EML1: variants seen among roughly 807,000 people sequenced by gnomAD.
EML1 encodes echinoderm microtubule-associated protein-like 1.
A neutral mutation model predicts 110.4 loss-of-function variants in EML1; 27 were observed. The ratio of observed to expected loss-of-function variants is 0.24; its 90% CI spans 0.18 to 0.34. The LOEUF (loss-of-function observed/expected upper bound fraction) is 0.34, where lower values mean the gene tolerates loss of function less well. Ranked by LOEUF, EML1 falls within the 10% of genes least tolerant of loss-of-function variation. The probability of loss-of-function intolerance (pLI) is 1.00; values close to 1 mark genes in which losing one functional copy is unlikely to be tolerated. For synonymous variants in EML1, 344 were observed against 385.8 expected (o/e 0.89, Z 1.27); for missense variants, 741 against 1,030.9 (o/e 0.72, Z 3.85).
intron 1 of EML1, among the ~76,000 whole-genome samples, chr14:99,812,538 G>C (rs558738365): frequency 6.6e-6 from 1 of 151,646 alleles, no homozygotes; most frequent in Non-Finnish European, 1.5e-5. Context: ...TGCACAATGC[G>C]CCTCCCCACA....
chr14:99,896,635 G>A (rs1206079844), intron 6 of EML1, among the ~76,000 whole-genome samples: 1 of 152,068 alleles, frequency 6.6e-6, no homozygotes, highest in East Asian at 1.9e-4. Flanking sequence ...TTACATCCAA[G>A]TTGAAGTGAT....
chr14:99,820,992 A>G (rs1019145053), intron 1 of EML1, among the ~76,000 whole-genome samples: 1 of 150,916 alleles, frequency 6.6e-6, no homozygotes, highest in Admixed American at 6.6e-5. Context: ...GATGCCTAAC[A>G]TGGTTATTGC....
rs374973246 is a variant in EML1, at chr14:99,743,042, G to A, written c.28+5182G>A. On this transcript the variant is annotated intron_variant, in intron 1 of 10. Coordinates refer to the EML1 transcript ENST00000554479. The stretch of plus-strand genomic sequence containing the variant: ...GGGTGGGGACATGCAGGAGGAATCC[G>A]CAGTTGGGAAGTCCCCCTTCAGTGC... 1.1e-4 allele frequency among the ~76,000 whole-genome samples: 17 copies of A among 152,150 alleles called. No individual in the cohort carries two copies. The East Asian group carries it at 1.3e-3, about 12-fold the overall frequency.
At chr14:99,933,041 A>T (rs1007472781) in intron 17 of EML1, among the ~76,000 whole-genome samples, 1 of 152,162 alleles carries the variant, frequency 6.6e-6, no homozygotes, top group African/African-American at 2.4e-5. Context: ...GAGGAGGTCA[A>T]GGCTGTAGTA....
chr14:99,789,742 C>A (rs2057641898), upstream of EML1, among the ~76,000 whole-genome samples: 1 of 152,190 alleles, frequency 6.6e-6, no homozygotes, highest in African/African-American at 2.4e-5. Flanking sequence ...AGAGCTTTCA[C>A]TTTCCTTTCT....
intron 1 of EML1, among the ~76,000 whole-genome samples, chr14:99,816,963 A>G (rs556735436): frequency 1.3e-5 from 2 of 152,338 alleles, no homozygotes; most frequent in Middle Eastern, 3.4e-3. Context: ...GACCTTCCAA[A>G]TGTGACATAT....
At chr14:99,822,869 G>A (rs1407224266) in intron 1 of EML1, among the ~76,000 whole-genome samples, 1 of 152,072 alleles carries the variant, frequency 6.6e-6, no homozygotes, top group Admixed American at 6.6e-5. Context: ...TTTGGTTCCC[G>A]CTCAGGCTGC....
chr14:99,915,934 G>T (rs928490314), intron 15 of EML1, among the ~76,000 whole-genome samples: 2 of 152,210 alleles, frequency 1.3e-5, no homozygotes, highest in Non-Finnish European at 2.9e-5. Context: ...CACGGAAGGG[G>T]TGCTGGTCAC....
At chr14:99,786,061 C>CAAAAAAA (rs56240053) in intron 1 of EML1, among the ~76,000 whole-genome samples, 1 of 120,406 alleles carries the variant, frequency 8.3e-6, no homozygotes, top group African/African-American at 3.0e-5. Context: ...CCTGGCTGCT[C>CAAAAAAA]AAAAAAAAAA....
Position 99,936,379 on chromosome 14 carries a change from C to G in EML1, c.2095+45C>G. 1 of 1,565,498 alleles carries G rather than the reference C, an allele frequency of 6.4e-7. No individual in the cohort carries two copies. Among genetic ancestry groups the G allele is most frequent in the Non-Finnish European group, 8.8e-7 (1 of 1,139,646 alleles). On this transcript the variant is annotated intron_variant, in intron 19 of 21. Transcript: ENST00000262233. The surrounding 1 kb of genome is among the most constrained non-coding windows in gnomAD (Gnocchi z 5.5). ...TGTATGAAGTCTCGATCTCAGAAAG[C>G]GTTCACTCTGAGATCCAGGGGGCCT...
At chr14:99,770,377 T>TTCTTTCTATCTATCTATCTATCTATCTA (rs1555388115), upstream of EML1, among the ~76,000 whole-genome samples, 4 of 150,186 alleles carry the variant, frequency 2.7e-5, no homozygotes, top group African/African-American at 9.9e-5. Context: ...AAAAATTTCT[T>TTCTTTCTATCTATCTATCTATCTATCTA]TCTATCTATC....
At chr14:99,867,652 A>AT (rs1459799382) in intron 3 of EML1, among the ~76,000 whole-genome samples, 4 of 141,910 alleles carry the variant, frequency 2.8e-5, no homozygotes, top group African/African-American at 1.1e-4. Flanking sequence ...AATGCATCTG[A>AT]TTTTTGTGTG....
At chr14:99,892,036 C>A in intron 5 of EML1, 1 of 576,030 alleles carries the variant, frequency 1.7e-6, no homozygotes, top group Non-Finnish European at 2.2e-6. Flanking sequence ...GATTTTAAGA[C>A]TGGGGGGCAG....
chr14:99,927,417 A>G (rs1264640876), intron 17 of EML1, among the ~76,000 whole-genome samples: 4 of 152,124 alleles, frequency 2.6e-5, no homozygotes, highest in Non-Finnish European at 4.4e-5. Flanking sequence ...CTGGATATCG[A>G]GGCTTGGTCA....
At chr14:99,894,419 TAAGTA>T in intron 5 of EML1, 1 of 429,508 alleles carries the variant, frequency 2.3e-6, no homozygotes, top group Non-Finnish European at 3.8e-6. Context: ...CTCATGTACT[TAAGTA>T]AACAGAATAT....
intron 1 of EML1, among the ~76,000 whole-genome samples, chr14:99,745,766 T>C (rs1376225417): frequency 1.3e-5 from 2 of 152,176 alleles, no homozygotes; most frequent in Admixed American, 1.3e-4. Context: ...TGGAAAAACA[T>C]GTCAAGTGCT....
intron 1 of EML1, among the ~76,000 whole-genome samples, chr14:99,839,575 C>T (rs2058600553): frequency 6.6e-6 from 1 of 152,208 alleles, no homozygotes; most frequent in Admixed American, 6.5e-5. Context: ...TCCATCACCA[C>T]CATTATCCAA....
At chr14:99,883,596 CCACT>C (rs1238903012) in intron 4 of EML1, 1 of 152,052 alleles carries the variant, frequency 6.6e-6, no homozygotes, top group Non-Finnish European at 1.5e-5. Context: ...TGCAGTCTCA[CCACT>C]CAGCGAACTC....
chr14:99,906,416 G>A (rs1200249882), intron 9 of EML1, among the ~76,000 whole-genome samples: 3 of 152,160 alleles, frequency 2.0e-5, no homozygotes, highest in African/African-American at 7.2e-5. Flanking sequence ...ATGGATTATT[G>A]ATGCCTCCCC....
Sources: allele counts gnomAD v4.1 joint callset (sites outside exome capture counted in the v4.1 genomes callset), GRCh38; gene constraint gnomAD v4.1.1; non-coding constraint Gnocchi (gnomAD v3.1); transcripts MANE v1.5; gene names NCBI Gene and HGNC (gene_info 2026-07-23, HGNC 2026-07-21).